BAIAP3: variants seen among roughly 807,000 people sequenced by gnomAD.
BAIAP3 encodes BAI1 associated protein 3.
A neutral mutation model predicts 149.7 loss-of-function variants in BAIAP3; 180 were observed. The ratio of observed to expected loss-of-function variants is 1.20; its 90% CI spans 1.07 to 1.36. The LOEUF (loss-of-function observed/expected upper bound fraction) is 1.36. Ranked by LOEUF, BAIAP3 falls within the 40% of genes most tolerant of loss-of-function variation. The pLI, the probability that BAIAP3 is intolerant of heterozygous loss-of-function variation, is 0.00. For synonymous variants in BAIAP3, 845 were observed against 670.7 expected, an observed-to-expected ratio of 1.26 and a Z score of -4.02; for missense variants, 1,767 against 1,563.4, an observed-to-expected ratio of 1.13 and a Z score of -2.20.
Position 1,348,140 on chromosome 16 carries a change from T to C in BAIAP3, c.3194T>C (p.Leu1065Ser), listed in dbSNP as rs1320573315. 4 of 1,607,088 alleles carry C rather than the reference T, an allele frequency of 2.5e-6. No homozygotes were observed. ...TGCCGCCGCCGCGCGGCCTGTGTGT[T>C]GTTCACCGTCATGGACCACGACTGG... The part of the protein sequence containing the change: ...EACRRRAACV[L>S]FTVMDHDWLS... Residue 1065 changes from leucine to serine, a missense_variant, in exon 33 of 34, where the codon TTG becomes TCG. Transcript: ENST00000426824.
chr16:1,338,452 C>CCGGGGGG, intron 1 of BAIAP3, 88 bp from the exon 2 acceptor site: 1 of 211,092 alleles, frequency 4.7e-6, no homozygotes, highest in Non-Finnish European at 1.0e-5. Flanking sequence ...CACCTCTTCC[C>CCGGGGGG]GCCCCACCCC....
chr16:1,337,140 C>T (rs551991493), intron 1 of BAIAP3, among the ~76,000 whole-genome samples: 1 of 152,288 alleles, frequency 6.6e-6, no homozygotes, highest in South Asian at 2.1e-4. Context: ...GGAAGAGGGT[C>T]TCAGGAGGCT....
At position 1,346,665 on chromosome 16, in the gene BAIAP3, G is replaced by C. The variant is rs1433798335; in HGVS notation, c.2623G>C (p.Val875Leu). 1 of 1,313,836 alleles carries C rather than the reference G, an allele frequency of 7.6e-7. No homozygotes were observed. The highest frequency in any genetic ancestry group is 1.0e-6 in the Non-Finnish European group (1 of 974,450). 81.4% of individuals were successfully genotyped at this position (1,313,836 alleles called of 1,614,324 possible). A position where few individuals can be genotyped will look rare whatever the true frequency, so the allele number is the denominator to read the frequency against. The part of the protein sequence containing the change: ...EKLALLNASL[V>L]KGNLSRVLEA... ...GCTGGCCCTGCTGAACGCCTCGCTG[G>C]TGAAGGGGAACCTGAGCAGGTGCGG... Residue 875 changes from valine (V) to leucine (L), a missense_variant, in exon 27 of 34, where the codon GTG (valine) becomes CTG (leucine). Val to Leu is a conservative substitution (Grantham distance 32). Coordinates refer to ENST00000426824, the MANE Select transcript of BAIAP3 (RefSeq NM_001199097.2).
At position 1,339,173 on chromosome 16, in the gene BAIAP3, C is replaced by A. The variant is rs762143694; in HGVS notation, c.229C>A (p.Arg77Ser). ...TGGGCCCCACACACAGGTCCCCCTG[C>A]GCAGTGGCTCGCCAGCACCCCCGGA... ...QGLPCLEVPL[R>S]SGSPAPPEPV... is the part of the protein sequence containing the mutation. Residue 77 changes from arginine to serine, a missense_variant, in exon 4 of 34, where the codon CGC becomes AGC. Coordinates refer to ENST00000426824, the MANE Select transcript of BAIAP3 (RefSeq NM_001199097.2). 2 of 1,565,762 alleles carry A rather than the reference C, an allele frequency of 1.3e-6. No individual in the cohort carries two copies. Among genetic ancestry groups the A allele is most frequent in the Non-Finnish European group, 1.7e-6 (2 of 1,156,992 alleles).
intron 4 of BAIAP3, 96 bp from the exon 5 acceptor site, chr16:1,339,400 G>C (rs1019041265): frequency 2.7e-6 from 4 of 1,479,806 alleles, no homozygotes; most frequent in Non-Finnish European, 3.7e-6. Flanking sequence ...GGTGCAAAGA[G>C]GCAGAGGTGG....
intron 5 of BAIAP3, among the ~76,000 whole-genome samples, chr16:1,340,190 CA>C (rs2033810078): frequency 2.5e-5 from 1 of 39,406 alleles, no homozygotes; most frequent in African/African-American, 2.0e-4. Flanking sequence ...TGCACACAGA[CA>C]CACGCACACA....
chr16:1,348,805 G>C lies in BAIAP3; in HGVS notation c.*323G>C, dbSNP rs1039050482. On this transcript the variant is annotated 3_prime_UTR_variant, in exon 34 of 34. Coordinates refer to ENST00000426824, the MANE Select transcript of BAIAP3 (RefSeq NM_001199097.2). ...CCGCTTCCTTGGGCTCCCCGGCCCT[G>C]GGTGGGCGGTGGGCAGCTGGTCTCC... 18 of 477,184 alleles carry C rather than the reference G, an allele frequency of 3.8e-5. No homozygotes were observed. In the East Asian group the frequency reaches 6.4e-4, roughly 17 times the overall value. The allele number at this position is 477,184 out of a possible 1,614,324, so 29.6% of individuals were successfully genotyped here.
rs548433770 is a variant in BAIAP3, at chr16:1,340,627, C to A, written c.409-295C>A. Reference sequence around the variant, plus strand: ...ATACATGCACATAGGCTGACAGACGCACCTCGAAGGACGCTCCCGGCTTCC... The same window carrying A: ...ATACATGCACATAGGCTGACAGACGAACCTCGAAGGACGCTCCCGGCTTCC... On this transcript the variant is annotated intron_variant, in intron 5 of 33. Coordinates refer to ENST00000426824, the MANE Select transcript of BAIAP3 (RefSeq NM_001199097.2). 3.3e-4 allele frequency among the ~76,000 whole-genome samples: 51 copies of A among 152,252 alleles called. No individual in the cohort carries two copies. The South Asian group carries it at 3.9e-3, about 12-fold the overall frequency.
chr16:1,342,360 A>G (rs1274511744), intron 11 of BAIAP3, 77 bp downstream of exon 11: 1 of 1,491,110 alleles, frequency 6.7e-7, no homozygotes, highest in African/African-American at 1.4e-5. Context: ...GGGGCAGGGC[A>G]CTGCCTGGAG....
Position 1,341,815 on chromosome 16 carries a change from C to A in BAIAP3, c.732-7C>A. On this transcript the variant is annotated splice_polypyrimidine_tract_variant and splice_region_variant and intron_variant, in intron 8 of 33. Coordinates refer to ENST00000426824, the MANE Select transcript of BAIAP3 (RefSeq NM_001199097.2). ...GACCCTCATGGGCATCTCTGTTCTC[C>A]TTGTAGCGAGATTGAGGATGTGAGC... The A allele has an allele frequency of 6.2e-7, 1 of 1,612,218 alleles. No individual in the cohort carries two copies. The highest frequency in any genetic ancestry group is 1.1e-5 in the South Asian group (1 of 90,990).
intron 28 of BAIAP3, 167 bp from the exon 29 acceptor site, chr16:1,347,131 C>G (rs879457049): frequency 1.9e-5 from 17 of 884,232 alleles, no homozygotes; most frequent in Non-Finnish European, 2.7e-5. Context: ...GATGGCCTTT[C>G]CCCACGCTTC....
At position 1,343,145 on chromosome 16, in the gene BAIAP3, G is replaced by T. The variant is rs983654449; in HGVS notation, c.1265+129G>T. The T allele has an allele frequency of 2.0e-4, 222 of 1,132,708 alleles. 1 individual carries two copies. The African/African-American group carries it at 3.1e-3, about 16-fold the overall frequency. The allele number at this position is 1,132,708 out of a possible 1,614,324, so 70.2% of individuals were successfully genotyped here. ...GCAGGGAAAGGGGCGGTGCTGAGTA[G>T]GTGGGGCTGCGCTGATTGGGCGGGA... On this transcript the variant is annotated intron_variant, in intron 14 of 33. Transcript: ENST00000426824.
rs374479583 is a variant in BAIAP3 at position 1,348,389 on chromosome 16, G to A, written c.3366G>A (p.Ala1122=). 63 of 1,612,488 alleles carry A rather than the reference G, an allele frequency of 3.9e-5. No homozygotes were observed. The highest frequency in any genetic ancestry group is 2.3e-4 in the Admixed American group (14 of 59,974). ...LCRPRAQVRS[A]LRRLEGRTSK... ...CCGCGCTGCTTGCAGTGAGATCTGCGCTGAGGAGGCTGGAAGGCCGCACCA... is the reference window on the plus strand; with the variant it reads ...CCGCGCTGCTTGCAGTGAGATCTGCACTGAGGAGGCTGGAAGGCCGCACCA... The change falls in exon 34 of 34, where the codon GCG becomes GCA. Residue 1122 remains alanine, a synonymous_variant. Transcript: ENST00000426824.
intron 1 of BAIAP3, among the ~76,000 whole-genome samples, chr16:1,334,078 C>T (rs1445254909): frequency 1.3e-5 from 2 of 151,918 alleles, no homozygotes; most frequent in Non-Finnish European, 2.9e-5. Context: ...ACTTGAGCCG[C>T]CAAGCGAGGC....
chr16:1,342,192 A>G lies in BAIAP3; in HGVS notation c.866A>G (p.Gln289Arg). The change falls in exon 11 of 34, where the codon CAG becomes CGG. Residue 289 changes from glutamine to arginine, a missense_variant. Coordinates refer to ENST00000426824, the MANE Select transcript of BAIAP3 (RefSeq NM_001199097.2). ...CCTGTGGTGGCCAGGTACTTCAAAC[A>G]GATCGTCAAGTCAGCCCGCGCAAAC... ...GLKGMGRYFK[Q>R]IVKSARANGT... 6.2e-7 allele frequency: 1 copy of G among 1,605,194 alleles called. No homozygotes were observed.
At position 1,347,980 on chromosome 16, in the gene BAIAP3, C is replaced by A. The variant is rs372000120; in HGVS notation, c.3112C>A (p.Arg1038=). 1 of 1,611,444 alleles carries A rather than the reference C, an allele frequency of 6.2e-7. No homozygotes were observed. Among genetic ancestry groups the A allele is most frequent in the Non-Finnish European group, 8.5e-7 (1 of 1,179,942 alleles). ...CAGCCAGAGGACCCAGGTGAAGACC[C>A]GGACGCTGCACCCTGTATACGACGA... ...VRSQRTQVKT[R]TLHPVYDELF... is the part of the protein sequence containing the mutation. Residue 1038 remains arginine, a synonymous_variant, in exon 32 of 34, where the codon CGG becomes AGG. Transcript: ENST00000426824.
Position 1,338,787 on chromosome 16 carries a change from C to T in BAIAP3, c.131+107C>T, listed in dbSNP as rs145071174. 2.2e-4 allele frequency: 352 copies of T among 1,578,550 alleles called. 1 individual carries two copies. The East Asian group carries it at 7.7e-3, about 34-fold the overall frequency. On this transcript the variant is annotated intron_variant, in intron 2 of 33. Coordinates refer to ENST00000426824, the MANE Select transcript of BAIAP3 (RefSeq NM_001199097.2). ...ACCCCTGGGCGGGAAGGAGGGTCTG[C>T]AGTTAGCTGTGCCACACTGTGGATG... is the stretch of plus-strand genomic sequence containing the variant.
At chr16:1,334,561 T>A (rs890218751) in intron 1 of BAIAP3, 1 of 1,145,138 alleles carries the variant, frequency 8.7e-7, no homozygotes, top group African/African-American at 1.6e-5. Context: ...GCGCTCCTGC[T>A]GGGCGCCAGC....
intron 16 of BAIAP3, 25 bp from the exon 17 acceptor site, chr16:1,344,202 A>G (rs757112163): frequency 6.2e-7 from 1 of 1,612,784 alleles, no homozygotes; most frequent in Admixed American, 1.7e-5. Context: ...GGCAGGCCCC[A>G]CGTCAGCGTG....
Sources: gnomAD v4.1 joint callset for allele counts (sites outside exome capture counted in the v4.1 genomes callset) on GRCh38, gnomAD v4.1.1 for gene constraint, MANE v1.5 for transcripts, NCBI Gene and HGNC (gene_info 2026-07-23, HGNC 2026-07-21) for gene names.